The following FLT1 variants were observed in gnomAD, a reference collection of about 807,000 sequenced individuals.
FLT1 encodes fms related receptor tyrosine kinase 1.
In FLT1, 49 loss-of-function variants were observed where a neutral mutation model predicts 156.3. That is an observed-to-expected ratio of 0.31 (90% CI 0.25 to 0.40). The LOEUF (loss-of-function observed/expected upper bound fraction) is 0.40. Among genes scored for constraint, FLT1 ranks in the 10% least tolerant of loss-of-function variants. The pLI, the probability that FLT1 is intolerant of heterozygous loss-of-function variation, is 1.00. For synonymous variants in FLT1, 594 were observed against 583.8 expected, an observed-to-expected ratio of 1.02 and a Z score of -0.25; for missense variants, 1,322 against 1,637.2, an observed-to-expected ratio of 0.81 and a Z score of 3.32.
intron 8 of FLT1, 85 bp from the exon 9 acceptor site, chr13:28,428,006 T>G: frequency 8.5e-7 from 1 of 1,182,554 alleles, no homozygotes; most frequent in South Asian, 1.2e-5. Flanking sequence ...GTTTTTGAGC[T>G]CAAGTTGACC....
At chr13:28,303,871 G>A (rs963942980) in intron 29 of FLT1, among the ~76,000 whole-genome samples, 7 of 152,282 alleles carry the variant, frequency 4.6e-5, no homozygotes, top group South Asian at 2.1e-4. Context: ...ACACACACAA[G>A]TGAGTGCCTC....
chr13:28,406,146 T>C (rs1301872085), intron 10 of FLT1, among the ~76,000 whole-genome samples: 1 of 152,228 alleles, frequency 6.6e-6, no homozygotes, highest in East Asian at 1.9e-4. Flanking sequence ...ATGTTAATAT[T>C]AAATAAAAAT....
intron 1 of FLT1, among the ~76,000 whole-genome samples, chr13:28,469,233 T>G (rs1880017617): frequency 6.6e-6 from 1 of 152,222 alleles, no homozygotes; most frequent in Non-Finnish European, 1.5e-5. Context: ...GGTATAGTTT[T>G]CTTTAAAAAA....
At chr13:28,355,822 C>T (rs1237511086) in intron 15 of FLT1, among the ~76,000 whole-genome samples, 1 of 152,204 alleles carries the variant, frequency 6.6e-6, no homozygotes, top group African/African-American at 2.4e-5. Flanking sequence ...GCAGAGCAGA[C>T]TGCTGGCGAA....
chr13:28,427,287 T>C lies in FLT1; in HGVS notation c.1308A>G (p.Ser436=), dbSNP rs758964123. 7 of 1,613,976 alleles carry C rather than the reference T, an allele frequency of 4.3e-6. No individual in the cohort carries two copies. The highest frequency in any genetic ancestry group is 3.4e-6 in the Non-Finnish European group (4 of 1,179,908). Residue 436 remains serine, a synonymous_variant, in exon 10 of 30, where the codon TCA becomes TCG. Transcript: ENST00000282397. ...GGTAGAGAGCCGGGTCTGGAAACGATGACACGGCCTTTTCGTAAATCTGGG... is the reference window on the plus strand; with the variant it reads ...GGTAGAGAGCCGGGTCTGGAAACGACGACACGGCCTTTTCGTAAATCTGGG... ...VKPQIYEKAV[S]SFPDPALYPL...
At chr13:28,309,884 CTTTTTTTTTTTT>C (rs60568918) in intron 27 of FLT1, among the ~76,000 whole-genome samples, 2 of 90,874 alleles carry the variant, frequency 2.2e-5, no homozygotes, top group African/African-American at 4.3e-5. Flanking sequence ...TTCTTTTTTC[CTTTTTTTTTTTT>C]TTTTTTTTTT....
At chr13:28,381,584 A>G (rs1449043124) in intron 14 of FLT1, among the ~76,000 whole-genome samples, 2 of 152,058 alleles carry the variant, frequency 1.3e-5, no homozygotes, top group African/African-American at 2.4e-5. Context: ...AACAAAACAA[A>G]AACAAAAAAA....
Position 28,494,835 on chromosome 13 carries a change from G to T in FLT1, c.9C>A (p.Ser3Arg). 6.4e-7 allele frequency: 1 copy of T among 1,567,278 alleles called. No individual in the cohort carries two copies. ...ACAGCAGGACCCCGGTGTCCCAGTA[G>T]CTGACCATGGTGAGCGCGACGCGGC... MV[S>R]YWDTGVLLCA... The change falls in exon 1 of 30, where the codon AGC (serine) becomes AGA (arginine). Residue 3 changes from serine (S) to arginine (R), a missense_variant. Around this residue, in one of 3 missense-constraint regions of FLT1, gnomAD observed 991 missense variants for 1,254.8 expected, o/e 0.79. Coordinates refer to ENST00000282397, the MANE Select transcript of FLT1 (RefSeq NM_002019.4).
intron 25 of FLT1, among the ~76,000 whole-genome samples, chr13:28,316,381 G>T (rs1328036467): frequency 2.0e-5 from 3 of 152,230 alleles, no homozygotes; most frequent in Admixed American, 6.5e-5. Flanking sequence ...GAATGGGAGG[G>T]CCCCTGCCAG....
chr13:28,383,758 G>T (rs1004768832), intron 14 of FLT1, among the ~76,000 whole-genome samples: 2 of 152,172 alleles, frequency 1.3e-5, no homozygotes, highest in East Asian at 3.9e-4. Context: ...GAACCCAGGA[G>T]GTGGAGGCTG....
At chr13:28,450,579 G>A (rs923010706) in intron 3 of FLT1, among the ~76,000 whole-genome samples, 30 of 151,228 alleles carry the variant, frequency 2.0e-4, no homozygotes, top group Admixed American at 1.5e-3. Context: ...AGGGAGGGAG[G>A]GAAATGAAAA....
intron 17 of FLT1, among the ~76,000 whole-genome samples, chr13:28,338,226 T>G (rs1180783300): frequency 1.3e-5 from 2 of 152,134 alleles, no homozygotes; most frequent in Admixed American, 6.5e-5. Context: ...CAGTATCATT[T>G]GCATGTAAGG....
rs868190326 is a variant in FLT1 at position 28,311,658 on chromosome 13, G to A, written c.3567C>T (p.Phe1189=). The A allele has an allele frequency of 4.3e-6, 7 of 1,613,524 alleles. No individual in the cohort carries two copies. In the African/African-American group the frequency reaches 9.3e-5, roughly 22 times the overall value. ...NSGFTYSTPA[F]SEDFFKESIS... is the part of the protein sequence containing the mutation. ...TACTTTCCTTGAAGAAGTCCTCAGA[G>A]AAGGCAGGAGTTGAGTATGTAAACC... The change falls in exon 27 of 30, where the codon TTC becomes TTT. Residue 1189 remains phenylalanine, a synonymous_variant. Transcript: ENST00000282397.
At chr13:28,467,973 T>C (rs1011494283) in intron 1 of FLT1, among the ~76,000 whole-genome samples, 2 of 152,216 alleles carry the variant, frequency 1.3e-5, no homozygotes, top group African/African-American at 4.8e-5. Flanking sequence ...GTAAAAACTC[T>C]CAAGAATAAA....
chr13:28,439,908 GA>G lies in FLT1; in HGVS notation c.389-1564del, dbSNP rs934969803. Among the ~76,000 whole-genome samples, 8 of 151,856 alleles carry G rather than the reference GA, an allele frequency of 5.3e-5. No homozygotes were observed. Among genetic ancestry groups the G allele is most frequent in the Non-Finnish European group, 7.4e-5 (5 of 67,930 alleles). ...ATTTCTGTAGTTTTAAGCCAAAAAA[GA>G]AAAAAAAGTGGGCCATTGCTGTAGC... On this transcript the variant is annotated intron_variant, in intron 3 of 29. Coordinates refer to ENST00000282397, the MANE Select transcript of FLT1 (RefSeq NM_002019.4). The surrounding 1 kb of genome is among the most constrained non-coding windows in gnomAD (Gnocchi z 4.1).
intron 2 of FLT1, among the ~76,000 whole-genome samples, 153 bp downstream of exon 2, chr13:28,467,368 A>G (rs1426597208): frequency 6.6e-6 from 1 of 151,980 alleles, no homozygotes; most frequent in Non-Finnish European, 1.5e-5. Context: ...TCCCTTCCCC[A>G]TGAATCCCCT....
intron 1 of FLT1, among the ~76,000 whole-genome samples, chr13:28,477,894 A>G (rs968614685): frequency 6.6e-6 from 1 of 152,230 alleles, no homozygotes; most frequent in Non-Finnish European, 1.5e-5. Context: ...AACACCTGGA[A>G]GAGACATGAC....
At chr13:28,422,871 C>T (rs1195179557) in intron 10 of FLT1, among the ~76,000 whole-genome samples, 1 of 152,220 alleles carries the variant, frequency 6.6e-6, no homozygotes, top group South Asian at 2.1e-4. Context: ...CCTATCCTCT[C>T]CTGGGTTCCT....
At chr13:28,457,332 T>G (rs1009130860) in intron 3 of FLT1, among the ~76,000 whole-genome samples, 3 of 152,176 alleles carry the variant, frequency 2.0e-5, no homozygotes, top group Non-Finnish European at 2.9e-5. Flanking sequence ...ATGTTAACCA[T>G]TCTCCTTATT....
Sources: gnomAD v4.1 joint callset for allele counts (sites outside exome capture counted in the v4.1 genomes callset) on GRCh38, gnomAD v4.1.1 for gene constraint, gnomAD v4.1.1 regional missense constraint, Gnocchi (gnomAD v3.1) non-coding constraint, MANE v1.5 for transcripts, NCBI Gene and HGNC (gene_info 2026-07-23, HGNC 2026-07-21) for gene names.